Variants in INTS8 observed in about 807,000 individuals in gnomAD.
INTS8 encodes the protein integrator complex subunit 8.
INTS8 carries 47 observed loss-of-function variants against 138.9 expected under a neutral mutation model. That is an observed-to-expected ratio of 0.34 (90% CI 0.27 to 0.43). The LOEUF (loss-of-function observed/expected upper bound fraction) is 0.43. Among genes scored for constraint, INTS8 ranks in the 20% least tolerant of loss-of-function variants. The pLI, the probability that INTS8 is intolerant of heterozygous loss-of-function variation, is 1.00. For missense variants in INTS8, 996 were observed against 1,173.0 expected, an observed-to-expected ratio of 0.85 and a Z score of 2.20; for synonymous variants, 392 against 400.9, an observed-to-expected ratio of 0.98 and a Z score of 0.27.
At chr8:94,824,149 G>T (rs1814393017) in intron 1 of INTS8, among the ~76,000 whole-genome samples, 1 of 152,200 alleles carries the variant, frequency 6.6e-6, no homozygotes, top group Non-Finnish European at 1.5e-5. Flanking sequence ...AGTTAAATGG[G>T]TGTGATTGAT....
chr8:94,833,034 T>C (rs965698145), intron 6 of INTS8, among the ~76,000 whole-genome samples: 21 of 150,768 alleles, frequency 1.4e-4, no homozygotes, highest in Non-Finnish European at 1.6e-4. Context: ...CTCTCTCTCT[T>C]TTTTTTTTAA....
chr8:94,868,321 T>C (rs563741559), intron 20 of INTS8, among the ~76,000 whole-genome samples: 2 of 152,294 alleles, frequency 1.3e-5, no homozygotes, highest in Admixed American at 1.3e-4. Flanking sequence ...CCAAGCCTTA[T>C]GTTATTACTC....
intron 20 of INTS8, among the ~76,000 whole-genome samples, chr8:94,869,768 G>A: frequency 6.6e-6 from 1 of 152,202 alleles, no homozygotes; most frequent in South Asian, 2.1e-4. Context: ...TGGGATTACA[G>A]GCATGAGCCA....
In INTS8 at chr8:94,838,474, A is replaced by G. The variant is rs77629237; in HGVS notation, c.873A>G (p.Leu291=). Residue 291 remains leucine (L), a synonymous_variant, in exon 8 of 27, where the codon TTA becomes TTG. Transcript: ENST00000523731. ...TKELIAEIGS[L]SLHCTIDEKR... ...CTCTTACTTTACAGATAGGTTCATT[A>G]TCTCTTCATTGTACCATAGATGAGA... 4,837 of 1,612,474 alleles carry G rather than the reference A, an allele frequency of 3.0e-3. 5 individuals carry two copies. Among genetic ancestry groups the G allele is most frequent in the Non-Finnish European group, 3.4e-3 (4,052 of 1,178,578 alleles).
chr8:94,842,667 A>G (rs1586485327), intron 10 of INTS8, among the ~76,000 whole-genome samples, 179 bp downstream of exon 10: 1 of 151,972 alleles, frequency 6.6e-6, no homozygotes, highest in East Asian at 1.9e-4. Flanking sequence ...CTCTTTTTCT[A>G]GTTCGCTCCA....
In INTS8 at chr8:94,873,048, A is replaced by G. The variant is rs538949131; in HGVS notation, c.2534-326A>G. Among the ~76,000 whole-genome samples the G allele has an allele frequency of 2.6e-5, 4 of 152,260 alleles. No individual in the cohort carries two copies. In the South Asian group the frequency reaches 8.3e-4, roughly 32 times the overall value. On this transcript the variant is annotated intron_variant, in intron 21 of 26. Transcript: ENST00000523731. Reference sequence around the variant, plus strand: ...TGATTTTAATGCTCATTTCCACCCCAGCCCCCAAAAGAAGCTATCAGGTTC... The same window carrying G: ...TGATTTTAATGCTCATTTCCACCCCGGCCCCCAAAAGAAGCTATCAGGTTC...
intron 5 of INTS8, among the ~76,000 whole-genome samples, chr8:94,829,815 C>T (rs970082624): frequency 6.6e-6 from 1 of 152,124 alleles, no homozygotes; most frequent in African/African-American, 2.4e-5. Flanking sequence ...CAGGTGACGT[C>T]TTTATATTTT....
chr8:94,867,489 A>T, intron 20 of INTS8, 152 bp downstream of exon 20: 1 of 554,996 alleles, frequency 1.8e-6, no homozygotes. Flanking sequence ...AATGATAATT[A>T]TCTTCCTGTA....
chr8:94,861,951 T>G (rs996704309), intron 16 of INTS8, among the ~76,000 whole-genome samples: 1 of 151,820 alleles, frequency 6.6e-6, no homozygotes, highest in African/African-American at 2.4e-5. Flanking sequence ...TATCTCTTCT[T>G]TTTTTTGGAG....
At chr8:94,851,785 C>G in intron 13 of INTS8, 99 bp downstream of exon 13, 1 of 933,888 alleles carries the variant, frequency 1.1e-6, no homozygotes, top group Non-Finnish European at 1.6e-6. Flanking sequence ...ATAAGGACCT[C>G]TTACTTAACA....
chr8:94,848,696 G>T (rs1482490497), intron 10 of INTS8, among the ~76,000 whole-genome samples: 1 of 152,022 alleles, frequency 6.6e-6, no homozygotes, highest in Non-Finnish European at 1.5e-5. Flanking sequence ...ACTGTATTTT[G>T]TGTGTTTATT....
At chr8:94,859,452 T>A in intron 15 of INTS8, 59 bp from the exon 16 acceptor site, 1 of 1,536,290 alleles carries the variant, frequency 6.5e-7, no homozygotes, top group Non-Finnish European at 9.0e-7. Flanking sequence ...AAGTATTTGC[T>A]TTGTTCCTAT....
At position 94,823,324 on chromosome 8, in the gene INTS8, G is replaced by A. The variant is rs1412617144; in HGVS notation, c.-108G>A. The A allele has an allele frequency of 3.3e-6, 5 of 1,517,650 alleles. No individual in the cohort carries two copies. Among genetic ancestry groups the A allele is most frequent in the Non-Finnish European group, 4.4e-6 (5 of 1,137,054 alleles). 94.0% of individuals were successfully genotyped at this position (1,517,650 alleles called of 1,614,324 possible). A position where few individuals can be genotyped will look rare whatever the true frequency, so the allele number is the denominator to read the frequency against. On this transcript the variant is annotated 5_prime_UTR_variant, in exon 1 of 27. Transcript: ENST00000523731. ...TGTGTGAGTTTCCGGGACGTTCGGA[G>A]GGTGGCCTCTCTCCCACCGGGTTCC... is the stretch of plus-strand genomic sequence containing the variant.
At chr8:94,856,662 A>G (rs1476826746) in intron 14 of INTS8, 115 bp from the exon 15 acceptor site, 9 of 816,484 alleles carry the variant, frequency 1.1e-5, no homozygotes, top group Non-Finnish European at 1.8e-5. Flanking sequence ...TGCCTGAGAA[A>G]AGCAACGTTA....
Position 94,841,574 on chromosome 8 carries a change from T to A in INTS8, c.1101T>A (p.Phe367Leu), listed in dbSNP as rs1304032876. The change falls in exon 9 of 27, where the codon TTT becomes TTA. Residue 367 changes from phenylalanine to leucine, a missense_variant. Coordinates refer to ENST00000523731, the MANE Select transcript of INTS8 (RefSeq NM_017864.4). ...GACAGTCAGTCCTAAGAGAACTCTTTAAGAAAGCTCAACAGGGGTAAGTAA... is the reference window on the plus strand; with the variant it reads ...GACAGTCAGTCCTAAGAGAACTCTTAAAGAAAGCTCAACAGGGGTAAGTAA... ...QFRQSVLREL[F>L]KKAQQGNEAL... is the part of the protein sequence containing the mutation. 6.3e-7 allele frequency: 1 copy of A among 1,588,480 alleles called. No homozygotes were observed. The highest frequency in any genetic ancestry group is 8.6e-7 in the Non-Finnish European group (1 of 1,162,830).
chr8:94,859,434 A>G, intron 15 of INTS8, 77 bp from the exon 16 acceptor site: 2 of 1,433,314 alleles, frequency 1.4e-6, no homozygotes, highest in Non-Finnish European at 1.9e-6. Context: ...TTCAGTTGAA[A>G]TCTGAGCAAG....
chr8:94,876,698 C>T (rs190488758), intron 26 of INTS8: 52 of 460,718 alleles, frequency 1.1e-4, no homozygotes, highest in African/African-American at 1.0e-3. Flanking sequence ...CATGTCATTT[C>T]TCAGTCCCAA....
intron 7 of INTS8, 55 bp from the exon 8 acceptor site, chr8:94,838,408 A>C: frequency 7.1e-7 from 1 of 1,416,912 alleles, no homozygotes; most frequent in Non-Finnish European, 9.9e-7. Flanking sequence ...AGGGGGTGCT[A>C]GACTATTGTT....
At chr8:94,842,088 A>C (rs1563649533) in intron 9 of INTS8, among the ~76,000 whole-genome samples, 1 of 151,474 alleles carries the variant, frequency 6.6e-6, no homozygotes, top group Admixed American at 6.6e-5. Flanking sequence ...AAAAAAAAAA[A>C]CTGCTTGGGA....
Sources: allele counts gnomAD v4.1 joint callset (sites outside exome capture counted in the v4.1 genomes callset), GRCh38; gene constraint gnomAD v4.1.1; transcripts MANE v1.5; gene names NCBI Gene and HGNC (gene_info 2026-07-23, HGNC 2026-07-21).